WNK2: variants seen among roughly 807,000 people sequenced by gnomAD.
The protein encoded by WNK2 is WNK lysine deficient protein kinase 2.
A neutral mutation model predicts 192.1 loss-of-function variants in WNK2; 67 were observed. The observed-to-expected ratio is 0.35, with a 90% CI of 0.29 to 0.43. WNK2 has a LOEUF of 0.43. Ranked by LOEUF, WNK2 falls within the 20% of genes least tolerant of loss-of-function variation. WNK2 has a pLI of 1.00. For missense variants in WNK2, 2,698 were observed against 3,089.7 expected (o/e 0.87, Z 3.01); for synonymous variants, 1,439 against 1,393.9 (o/e 1.03, Z -0.72).
rs1539668 is a variant in WNK2 at position 93,228,234 on chromosome 9, A to C, written c.682-1462A>C. Reference sequence around the variant, plus strand: ...AGGGGTCTGGCGGGTTGATGGAGGAAGAAGGGTCTCATGGGCGCGGCTGCA... The same window carrying C: ...AGGGGTCTGGCGGGTTGATGGAGGACGAAGGGTCTCATGGGCGCGGCTGCA... On this transcript the variant is annotated intron_variant, in intron 2 of 29. Transcript: ENST00000427277. 3.4e-3 allele frequency among the ~76,000 whole-genome samples: 514 copies of C among 152,242 alleles called. 3 individuals carry two copies. Among genetic ancestry groups the C allele is most frequent in the African/African-American group, 0.011 (464 of 41,522 alleles).
chr9:93,190,198 C>G (rs1018372074), intron 2 of WNK2, among the ~76,000 whole-genome samples: 8 of 152,160 alleles, frequency 5.3e-5, no homozygotes, highest in African/African-American at 1.9e-4. Flanking sequence ...GACGGACTTT[C>G]CCTCCCTCCC....
At position 93,263,654 on chromosome 9, in the gene WNK2, G is replaced by A; in HGVS notation, c.3499G>A (p.Ala1167Thr). 1 of 1,600,422 alleles carries A rather than the reference G, an allele frequency of 6.2e-7. No individual in the cohort carries two copies. The highest frequency in any genetic ancestry group is 8.5e-7 in the Non-Finnish European group (1 of 1,176,356). Reference protein sequence around the residue: ...FGGGRLEGRAARKHHRRSTRA... With the variant: ...FGGGRLEGRATRKHHRRSTRA... ...AGGGGGCAGGCTGGAGGGCAGGGCA[G>A]CCCGAAAACACCACCGCAGGTCCAC... Residue 1167 changes from alanine (A) to threonine (T), a missense_variant, in exon 15 of 30, where the codon GCC (alanine) becomes ACC (threonine). This residue lies in a region of WNK2 where 893 missense variants were observed against 909.0 expected (regional missense o/e 0.98). Coordinates refer to ENST00000427277, the MANE Select transcript of WNK2 (RefSeq NM_006648.4).
At chr9:93,316,016 T>C (rs1356560542) in intron 28 of WNK2, 1 of 152,246 alleles carries the variant, frequency 6.6e-6, no homozygotes, top group Non-Finnish European at 1.5e-5. Flanking sequence ...GTTTTTTTCC[T>C]CTCTGCATAT....
At chr9:93,240,913 TTCTTG>T (rs1271964011) in intron 7 of WNK2, among the ~76,000 whole-genome samples, 3 of 152,328 alleles carry the variant, frequency 2.0e-5, no homozygotes, top group Non-Finnish European at 4.4e-5. Flanking sequence ...TGGTTAGTGG[TTCTTG>T]TCTTGAACAA....
At chr9:93,224,815 C>T (rs537459392) in intron 2 of WNK2, among the ~76,000 whole-genome samples, 1 of 152,264 alleles carries the variant, frequency 6.6e-6, no homozygotes, top group East Asian at 1.9e-4. Context: ...AGGAGGCCCC[C>T]GCCTCTGACT....
intron 1 of WNK2, 51 bp from the exon 2 acceptor site, chr9:93,184,877 A>C (rs1234140120): frequency 1.7e-6 from 2 of 1,162,882 alleles, no homozygotes; most frequent in Non-Finnish European, 2.1e-6. Context: ...CGGCCTGGGC[A>C]GGTGCGGCAG....
In WNK2 at chr9:93,267,871, G is replaced by A. The variant is rs2133196506; in HGVS notation, c.3822G>A (p.Gly1274=). The stretch of plus-strand genomic sequence containing the variant: ...ACGCCGACCGTGGCTCCGACCCAGG[G>A]ACCAGCCCGCCACACCTCAGCACCT... ...DTDADRGSDP[G]TSPPHLSTCG... is the part of the protein sequence containing the mutation. The change falls in exon 17 of 30, where the codon GGG becomes GGA. Residue 1274 remains glycine, a synonymous_variant. Transcript: ENST00000427277. 1 of 1,610,242 alleles carries A rather than the reference G, an allele frequency of 6.2e-7. No individual in the cohort carries two copies. Among genetic ancestry groups the A allele is most frequent in the African/African-American group, 1.3e-5 (1 of 75,014 alleles).
chr9:93,273,405 C>G (rs1346558785), intron 19 of WNK2, among the ~76,000 whole-genome samples: 1 of 152,228 alleles, frequency 6.6e-6, no homozygotes, highest in Non-Finnish European at 1.5e-5. Flanking sequence ...CCACCCGCCT[C>G]GGCCTCCCAA....
intron 23 of WNK2, among the ~76,000 whole-genome samples, chr9:93,297,184 A>G (rs1168509713): frequency 2.7e-5 from 2 of 75,132 alleles, no homozygotes; most frequent in Non-Finnish European, 5.2e-5. Context: ...TCCCCTCCAC[A>G]TTCTCCTCTC....
chr9:93,220,827 G>A (rs1836726435), intron 2 of WNK2, among the ~76,000 whole-genome samples: 1 of 152,180 alleles, frequency 6.6e-6, no homozygotes, highest in Non-Finnish European at 1.5e-5. Flanking sequence ...ACCCCAGGTG[G>A]TCCACAGTCC....
At chr9:93,207,444 C>T (rs1417547498) in intron 2 of WNK2, among the ~76,000 whole-genome samples, 7 of 152,212 alleles carry the variant, frequency 4.6e-5, no homozygotes, top group Non-Finnish European at 1.0e-4. Context: ...ATCTCCCGGT[C>T]AGCATGCAGT....
intron 28 of WNK2, among the ~76,000 whole-genome samples, chr9:93,314,925 C>T (rs914404526): frequency 1.3e-5 from 2 of 152,052 alleles, no homozygotes; most frequent in Non-Finnish European, 2.9e-5. Context: ...GCTAACATTC[C>T]CTAAACATTC....
intron 23 of WNK2, among the ~76,000 whole-genome samples, chr9:93,294,456 C>T (rs1436439810): frequency 2.6e-5 from 4 of 152,160 alleles, no homozygotes; most frequent in African/African-American, 4.8e-5. Context: ...TGGGTATGAC[C>T]TAGAACCTTT....
At chr9:93,298,535 T>C (rs928870427) in intron 24 of WNK2, among the ~76,000 whole-genome samples, 5 of 152,174 alleles carry the variant, frequency 3.3e-5, no homozygotes, top group African/African-American at 9.7e-5. Context: ...GGCACTGGCC[T>C]GGCCCCAGGC....
chr9:93,196,188 GA>G (rs1419696464), intron 2 of WNK2, among the ~76,000 whole-genome samples: 1 of 152,102 alleles, frequency 6.6e-6, no homozygotes, highest in East Asian at 1.9e-4. Flanking sequence ...TTAACAGGCT[GA>G]CTGTTAGTGG....
Position 93,190,826 on chromosome 9 carries a change from C to G in WNK2, c.681+5216C>G, listed in dbSNP as rs540996053. ...TTCACGGGTCACCCGCGTCTCCAGG[C>G]TTGATCTTGGGCCCTCCTCTAGGCG... is the stretch of plus-strand genomic sequence containing the variant. On this transcript the variant is annotated intron_variant, in intron 2 of 29. Coordinates refer to ENST00000427277, the MANE Select transcript of WNK2 (RefSeq NM_006648.4). 3.2e-4 allele frequency among the ~76,000 whole-genome samples: 48 copies of G among 152,310 alleles called. No homozygotes were observed. In the South Asian group the frequency reaches 9.3e-3, roughly 30 times the overall value.
At position 93,289,075 on chromosome 9, in the gene WNK2, G is replaced by A. The variant is rs921083288; in HGVS notation, c.4321G>A (p.Glu1441Lys). The change falls in exon 20 of 30, where the codon GAG becomes AAG. Residue 1441 changes from glutamate (E) to lysine (K), a missense_variant. Glu to Lys is a moderately conservative substitution (Grantham distance 56). Around this residue, in one of 7 missense-constraint regions of WNK2, gnomAD observed 1,098 missense variants for 1,101.0 expected, o/e 1.00. Coordinates refer to ENST00000427277, the MANE Select transcript of WNK2 (RefSeq NM_006648.4). ...ETSQPLAETHEAPLAVQPLVV... is the reference protein window; with the variant it reads ...ETSQPLAETHKAPLAVQPLVV... ...GTCTCAGCCACTAGCGGAGACTCACGAGGCCCCGCTTGCTGTGCAGCCCCT... is the reference window on the plus strand; with the variant it reads ...GTCTCAGCCACTAGCGGAGACTCACAAGGCCCCGCTTGCTGTGCAGCCCCT... 13 of 1,607,364 alleles carry A rather than the reference G, an allele frequency of 8.1e-6. No homozygotes were observed. In the East Asian group the frequency reaches 9.0e-5, roughly 11 times the overall value.
At chr9:93,310,897 G>A (rs1359902609) in intron 28 of WNK2, among the ~76,000 whole-genome samples, 1 of 152,202 alleles carries the variant, frequency 6.6e-6, no homozygotes, top group Non-Finnish European at 1.5e-5. Context: ...CCAGGAGTTG[G>A]AGGCTGCAGT....
intron 2 of WNK2, among the ~76,000 whole-genome samples, chr9:93,220,217 A>G (rs556645673): frequency 6.6e-6 from 1 of 152,136 alleles, no homozygotes; most frequent in Non-Finnish European, 1.5e-5. Context: ...ACTGTGGGGG[A>G]TGGGTGCTGC....
Sources: allele counts gnomAD v4.1 joint callset (sites outside exome capture counted in the v4.1 genomes callset), GRCh38; gene constraint gnomAD v4.1.1; regional missense constraint gnomAD v4.1.1; transcripts MANE v1.5; gene names NCBI Gene and HGNC (gene_info 2026-07-23, HGNC 2026-07-21).